PARD3B: variants seen among roughly 807,000 people sequenced by gnomAD.
PARD3B encodes the protein partitioning defective 3 homolog B.
PARD3B carries 103 observed loss-of-function variants against 130.2 expected under a neutral mutation model. That is an observed-to-expected ratio of 0.79 (90% CI 0.67 to 0.93). The LOEUF (loss-of-function observed/expected upper bound fraction) is 0.93. PARD3B is among the 40% of genes least tolerant of loss of function. The pLI is 0.00. For synonymous variants in PARD3B, 583 were observed against 553.2 expected, an observed-to-expected ratio of 1.05 and a Z score of -0.76; for missense variants, 1,609 against 1,499.2, an observed-to-expected ratio of 1.07 and a Z score of -1.21.
chr2:205,042,714 G>C (rs1186006341), intron 3 of PARD3B, among the ~76,000 whole-genome samples: 4 of 151,968 alleles, frequency 2.6e-5, no homozygotes, highest in African/African-American at 9.7e-5. Context: ...AGTGGTACCT[G>C]CCTTTTTGTG....
intron 15 of PARD3B, among the ~76,000 whole-genome samples, chr2:205,239,889 C>T (rs1419221288): frequency 6.6e-6 from 1 of 152,094 alleles, no homozygotes; most frequent in African/African-American, 2.4e-5. Context: ...AATGTTTGCA[C>T]CATTATACTA....
At chr2:204,756,647 A>G in intron 2 of PARD3B, among the ~76,000 whole-genome samples, 1 of 152,064 alleles carries the variant, frequency 6.6e-6, no homozygotes, top group Admixed American at 6.6e-5. Context: ...AATATTCCCA[A>G]CTCTCTGAGA....
At chr2:205,036,143 A>G (rs1301089725) in intron 3 of PARD3B, among the ~76,000 whole-genome samples, 6 of 146,242 alleles carry the variant, frequency 4.1e-5, no homozygotes, top group Admixed American at 7.0e-5. Flanking sequence ...TATATATTAT[A>G]TATATATAAA....
intron 1 of PARD3B, among the ~76,000 whole-genome samples, chr2:204,560,622 A>G (rs2031247253): frequency 6.6e-6 from 1 of 152,004 alleles, no homozygotes; most frequent in Non-Finnish European, 1.5e-5. Context: ...GTAAACATGT[A>G]TGTTTTGTTT....
chr2:204,725,106 A>G (rs1472454832), intron 2 of PARD3B, among the ~76,000 whole-genome samples: 1 of 152,136 alleles, frequency 6.6e-6, no homozygotes, highest in Non-Finnish European at 1.5e-5. Context: ...AATTTGAGGA[A>G]AGACAAATCT....
chr2:204,618,826 G>C lies in PARD3B; in HGVS notation c.121-67355G>C, dbSNP rs1222339019. Among the ~76,000 whole-genome samples the C allele has an allele frequency of 2.6e-5, 4 of 152,130 alleles. No homozygotes were observed. In the East Asian group the frequency reaches 7.7e-4, roughly 29 times the overall value. ...ATCTTGTTTGACAGTCTTCATATTT[G>C]TATGTTTAATTCCTACACTTGGCTT... On this transcript the variant is annotated intron_variant, in intron 1 of 22. Coordinates refer to ENST00000406610, the MANE Select transcript of PARD3B (RefSeq NM_001302769.2).
At chr2:204,922,569 C>T (rs573260901) in intron 2 of PARD3B, among the ~76,000 whole-genome samples, 1 of 152,018 alleles carries the variant, frequency 6.6e-6, no homozygotes, top group South Asian at 2.1e-4. Flanking sequence ...TCAGTGTTGT[C>T]ACATTGGAAG....
At chr2:204,631,405 A>G (rs1460270305) in intron 1 of PARD3B, among the ~76,000 whole-genome samples, 1 of 152,010 alleles carries the variant, frequency 6.6e-6, no homozygotes, top group African/African-American at 2.4e-5. Context: ...ATGCACCACC[A>G]TGCCCAGCTA....
chr2:204,904,092 C>T (rs11891399), intron 2 of PARD3B, among the ~76,000 whole-genome samples: 41,339 of 152,068 alleles, frequency 0.27, 9,871 homozygotes, highest in African/African-American at 0.65. Context: ...ATTTATTTTA[C>T]TTTATTTTTT....
intron 2 of PARD3B, among the ~76,000 whole-genome samples, chr2:204,912,740 CAT>C (rs2047287556): frequency 6.6e-6 from 1 of 152,056 alleles, no homozygotes; most frequent in African/African-American, 2.4e-5. Context: ...TAGCTAAAAA[CAT>C]AAGACTGTAT....
chr2:205,443,058 T>G (rs2047779274), intron 20 of PARD3B, among the ~76,000 whole-genome samples: 1 of 152,230 alleles, frequency 6.6e-6, no homozygotes, highest in Non-Finnish European at 1.5e-5. Flanking sequence ...GCCCTGCTCC[T>G]TGTTCTTCAA....
rs1355844387 is a variant in PARD3B, at chr2:204,669,643, A to G, written c.121-16538A>G. On this transcript the variant is annotated intron_variant, in intron 1 of 22. Transcript: ENST00000406610. The surrounding 1 kb of genome is among the most constrained non-coding windows in gnomAD (Gnocchi z 4.3). Reference sequence around the variant, plus strand: ...TTCCTTGGTTGCAATAAATGTCCATACTGTCTATTGGTTTTCAACTTTTGG... The same window carrying G: ...TTCCTTGGTTGCAATAAATGTCCATGCTGTCTATTGGTTTTCAACTTTTGG... Among the ~76,000 whole-genome samples the G allele has an allele frequency of 6.6e-6, 1 of 152,176 alleles. No homozygotes were observed. Among genetic ancestry groups the G allele is most frequent in the East Asian group, 1.9e-4 (1 of 5,196 alleles).
chr2:205,130,488 A>G (rs947981597), intron 10 of PARD3B, among the ~76,000 whole-genome samples: 1 of 152,282 alleles, frequency 6.6e-6, no homozygotes, highest in African/African-American at 2.4e-5. Flanking sequence ...TTTAAGAGCT[A>G]GAGAGAGAAG....
rs1258470496 is a variant in PARD3B, at chr2:204,606,858, G to T, written c.120+60739G>T. 6.6e-6 allele frequency among the ~76,000 whole-genome samples: 1 copy of T among 152,272 alleles called. No homozygotes were observed. Among genetic ancestry groups the T allele is most frequent in the Non-Finnish European group, 1.5e-5 (1 of 68,016 alleles). On this transcript the variant is annotated intron_variant, in intron 1 of 22. Coordinates refer to ENST00000406610, the MANE Select transcript of PARD3B (RefSeq NM_001302769.2). The surrounding 1 kb of genome is among the most constrained non-coding windows in gnomAD (Gnocchi z 4.0). The stretch of plus-strand genomic sequence containing the variant: ...GAGAGTAAAACAAAATCTTAAAGTA[G>T]CAGTTTTGTTTGTGTGTGTGGTTTT...
At chr2:204,973,442 A>G (rs183185985) in intron 3 of PARD3B, among the ~76,000 whole-genome samples, 1 of 152,286 alleles carries the variant, frequency 6.6e-6, no homozygotes, top group East Asian at 1.9e-4. Context: ...TCTTGTTAAC[A>G]ATTTAATATA....
chr2:205,112,257 GT>G (rs1703696711), intron 5 of PARD3B, among the ~76,000 whole-genome samples: 1 of 152,128 alleles, frequency 6.6e-6, no homozygotes, highest in South Asian at 2.1e-4. Context: ...GAAAACTGAT[GT>G]GCTCCTTTTT....
intron 2 of PARD3B, among the ~76,000 whole-genome samples, chr2:204,830,653 C>A (rs1247527236): frequency 6.6e-6 from 1 of 152,206 alleles, no homozygotes; most frequent in East Asian, 1.9e-4. Context: ...AAGTTTGTTT[C>A]CTTCAAAGGG....
At chr2:205,392,130 GT>G (rs1397239234) in intron 18 of PARD3B, among the ~76,000 whole-genome samples, 112 of 152,226 alleles carry the variant, frequency 7.4e-4, no homozygotes, top group African/African-American at 2.4e-3. Flanking sequence ...TAGCCCCTCG[GT>G]ATGGGGAAAG....
intron 3 of PARD3B, among the ~76,000 whole-genome samples, chr2:204,991,924 G>A (rs906517289): frequency 2.7e-5 from 4 of 150,620 alleles, no homozygotes; most frequent in African/African-American, 4.9e-5. Context: ...TGATGGGGTT[G>A]TTTGTTTTTT....
Sources: allele counts gnomAD v4.1 joint callset (sites outside exome capture counted in the v4.1 genomes callset), GRCh38; gene constraint gnomAD v4.1.1; non-coding constraint Gnocchi (gnomAD v3.1); transcripts MANE v1.5; gene names NCBI Gene and HGNC (gene_info 2026-07-23, HGNC 2026-07-21).